CTNNA1: variants seen among roughly 807,000 people sequenced by gnomAD.
CTNNA1 encodes the protein catenin alpha 1.
Under a neutral mutation model 98.4 loss-of-function variants are expected in CTNNA1, and 37 were observed. That is an observed-to-expected ratio of 0.38 (90% CI 0.29 to 0.49). CTNNA1 has a LOEUF of 0.49. Ranked by LOEUF, CTNNA1 falls within the 20% of genes least tolerant of loss-of-function variation. The pLI, the probability that CTNNA1 is intolerant of heterozygous loss-of-function variation, is 0.95. For synonymous variants in CTNNA1, 404 were observed against 413.2 expected (o/e 0.98, Z 0.27); for missense variants, 761 against 1,147.2 (o/e 0.66, Z 4.86).
At chr5:138,901,451 C>T (rs1452471982) in intron 9 of CTNNA1, among the ~76,000 whole-genome samples, 1 of 152,206 alleles carries the variant, frequency 6.6e-6, no homozygotes, top group African/African-American at 2.4e-5. Flanking sequence ...TGAGCCACCA[C>T]ACCCAGCCTC....
At chr5:138,790,298 T>C (rs1756212941) in intron 3 of CTNNA1, among the ~76,000 whole-genome samples, 1 of 152,234 alleles carries the variant, frequency 6.6e-6, no homozygotes, top group African/African-American at 2.4e-5. Context: ...AGTAATTTAT[T>C]TTCCTGTGAC....
chr5:138,795,356 G>T (rs1756845061), intron 3 of CTNNA1, among the ~76,000 whole-genome samples: 1 of 152,010 alleles, frequency 6.6e-6, no homozygotes, highest in Non-Finnish European at 1.5e-5. Flanking sequence ...TACTCTGGAG[G>T]CTGAGGCAGG....
intron 5 of CTNNA1, among the ~76,000 whole-genome samples, chr5:138,817,473 G>A (rs1473158778): frequency 6.6e-6 from 1 of 152,164 alleles, no homozygotes; most frequent in African/African-American, 2.4e-5. Context: ...CCAGACTTGG[G>A]AAGTTTCCAG....
chr5:138,753,720 T>G, intron 1 of CTNNA1: 2 of 311,970 alleles, frequency 6.4e-6, no homozygotes, highest in African/African-American at 2.2e-5. Flanking sequence ...AGGGCCCGAG[T>G]ATGGGGCCCG....
At chr5:138,831,202 T>C (rs186385102) in intron 7 of CTNNA1, among the ~76,000 whole-genome samples, 1 of 152,324 alleles carries the variant, frequency 6.6e-6, no homozygotes, top group Admixed American at 6.5e-5. Flanking sequence ...TTGTGTTGCT[T>C]ATTACCAGGT....
In CTNNA1 at chr5:138,873,337, C is replaced by T. The variant is rs763227727; in HGVS notation, c.1063-12875C>T. On this transcript the variant is annotated intron_variant, in intron 7 of 17. Transcript: ENST00000302763. This position sits in a 1 kb window ranked among gnomAD's most constrained non-coding sequence, Gnocchi z 6.1. The stretch of plus-strand genomic sequence containing the variant: ...CATTGTCTGGTTCAGGAAAGTGTTC[C>T]TCGGTAGTAACTGCTATGCCTGCAG... The T allele has an allele frequency of 1.9e-6, 3 of 1,613,896 alleles. No homozygotes were observed. In the East Asian group the frequency reaches 6.7e-5, roughly 36 times the overall value.
intron 9 of CTNNA1, among the ~76,000 whole-genome samples, chr5:138,890,597 A>G (rs976845603): frequency 6.6e-6 from 1 of 152,228 alleles, no homozygotes; most frequent in African/African-American, 2.4e-5. Context: ...AATGAAATCA[A>G]GGTTCATCAT....
At chr5:138,825,194 A>G (rs1418658196) in intron 6 of CTNNA1, among the ~76,000 whole-genome samples, 1 of 152,166 alleles carries the variant, frequency 6.6e-6, no homozygotes, top group Non-Finnish European at 1.5e-5. Context: ...AGATAGAGAA[A>G]CATCATAAGT....
At chr5:138,916,168 T>G (rs1761694746) in intron 10 of CTNNA1, among the ~76,000 whole-genome samples, 1 of 85,618 alleles carries the variant, frequency 1.2e-5, no homozygotes, top group Admixed American at 1.0e-4. Flanking sequence ...GAAAGCAAAT[T>G]AGTGGTTGCA....
chr5:138,765,186 AC>A (rs34008385), intron 1 of CTNNA1, among the ~76,000 whole-genome samples: 7,178 of 151,952 alleles, frequency 0.047, 251 homozygotes, highest in South Asian at 0.069. Context: ...GATTACAGGC[AC>A]CCACCACCAC....
chr5:138,849,847 A>G (rs375691377), intron 7 of CTNNA1, among the ~76,000 whole-genome samples: 12 of 152,112 alleles, frequency 7.9e-5, no homozygotes, highest in African/African-American at 2.2e-4. Context: ...TTCTTAAAAT[A>G]GGCAGTGCAT....
chr5:138,807,735 G>A (rs1287779633), intron 3 of CTNNA1, among the ~76,000 whole-genome samples: 1 of 151,936 alleles, frequency 6.6e-6, no homozygotes, highest in African/African-American at 2.4e-5. Context: ...TAGTAATATT[G>A]TTTAAGACAG....
At chr5:138,808,173 T>C (rs2149721822) in intron 3 of CTNNA1, among the ~76,000 whole-genome samples, 1 of 152,378 alleles carries the variant, frequency 6.6e-6, no homozygotes, top group South Asian at 2.1e-4. Flanking sequence ...CACAAGGCTA[T>C]TTAATTTTTG....
rs370649836 is a variant in CTNNA1, at chr5:138,873,612, C to A, written c.1063-12600C>A. Reference sequence around the variant, plus strand: ...CAGGAGGCCAGAGCACATATTCGGGCGCTGCATTCCCACAGATTGCCAGAG... The same window carrying A: ...CAGGAGGCCAGAGCACATATTCGGGAGCTGCATTCCCACAGATTGCCAGAG... On this transcript the variant is annotated intron_variant, in intron 7 of 17. Transcript: ENST00000302763. This position sits in a 1 kb window ranked among gnomAD's most constrained non-coding sequence, Gnocchi z 6.1. The A allele has an allele frequency of 1.5e-5, 24 of 1,613,828 alleles. No individual in the cohort carries two copies. In the African/African-American group the frequency reaches 3.1e-4, roughly 21 times the overall value.
chr5:138,909,159 C>A (rs1356055693), intron 10 of CTNNA1, among the ~76,000 whole-genome samples: 1 of 152,034 alleles, frequency 6.6e-6, no homozygotes, highest in African/African-American at 2.4e-5. Flanking sequence ...TGGAGATTAT[C>A]TCACTCAATA....
Position 138,756,171 on chromosome 5 carries a change from G to A in CTNNA1, c.-3+2661G>A, listed in dbSNP as rs1580829403. ...CTCCTGCCTCAACCTCAAGGAGCTG[G>A]GATTACAGGTGTGTGCCAACATGCC... On this transcript the variant is annotated intron_variant, in intron 1 of 17. Coordinates refer to ENST00000302763, the MANE Select transcript of CTNNA1 (RefSeq NM_001903.5). Among the ~76,000 whole-genome samples the A allele has an allele frequency of 2.6e-5, 4 of 151,934 alleles. No homozygotes were observed. In the East Asian group the frequency reaches 7.7e-4, roughly 29 times the overall value.
chr5:138,824,160 C>A (rs1203301468), intron 5 of CTNNA1, among the ~76,000 whole-genome samples: 2 of 151,986 alleles, frequency 1.3e-5, no homozygotes, highest in Non-Finnish European at 2.9e-5. Flanking sequence ...TAGTGCTGTG[C>A]TAAGTACTTT....
intron 7 of CTNNA1, among the ~76,000 whole-genome samples, chr5:138,866,910 GTC>G (rs766547992): frequency 3.3e-5 from 5 of 152,014 alleles, no homozygotes; most frequent in Non-Finnish European, 7.4e-5. Flanking sequence ...AGTACATTTT[GTC>G]TCTCTAAGGG....
At chr5:138,888,013 C>G (rs1754467333) in intron 9 of CTNNA1, among the ~76,000 whole-genome samples, 1 of 152,202 alleles carries the variant, frequency 6.6e-6, no homozygotes, top group Admixed American at 6.5e-5. Context: ...CCTAACCTTC[C>G]TCAATTGCCA....
Sources: allele counts gnomAD v4.1 joint callset (sites outside exome capture counted in the v4.1 genomes callset), GRCh38; gene constraint gnomAD v4.1.1; non-coding constraint Gnocchi (gnomAD v3.1); transcripts MANE v1.5; gene names NCBI Gene and HGNC (gene_info 2026-07-23, HGNC 2026-07-21).